The following ZNF274 variants were observed in gnomAD, a reference collection of about 807,000 sequenced individuals.
ZNF274 encodes zinc finger protein 274.
ZNF274 carries 23 observed loss-of-function variants against 42.5 expected under a neutral mutation model. That is an observed-to-expected ratio of 0.54 (90% CI 0.39 to 0.77). ZNF274 has a LOEUF of 0.77. Among genes scored for constraint, ZNF274 ranks in the 30% least tolerant of loss-of-function variants. ZNF274 has a pLI of 0.00. For synonymous variants in ZNF274, 292 were observed against 305.4 expected (o/e 0.96, Z 0.46); for missense variants, 679 against 806.5 (o/e 0.84, Z 1.91).
rs758325416 is a variant in ZNF274 at position 58,211,637 on chromosome 19, C to T, written c.930C>T (p.Thr310=). 1.5e-5 allele frequency: 24 copies of T among 1,613,696 alleles called. No individual in the cohort carries two copies. Among genetic ancestry groups the T allele is most frequent in the South Asian group, 3.3e-5 (3 of 91,058 alleles). Residue 310 remains threonine, a synonymous_variant, in exon 7 of 8, where the codon ACC becomes ACT. Transcript: ENST00000617501. This position sits in a 1 kb window ranked among gnomAD's most constrained non-coding sequence, Gnocchi z 4.8. ...GGCTGCTGGGCCCGACACAGAGGAC[C>T]GAGTACCGCGATGTGATGCTGGAGA... ...EWGLLGPTQR[T]EYRDVMLETF...
intron 4 of ZNF274, among the ~76,000 whole-genome samples, chr19:58,192,550 C>A (rs1312203917): frequency 1.3e-5 from 2 of 152,182 alleles, no homozygotes; most frequent in Non-Finnish European, 2.9e-5. Flanking sequence ...TCCACAGATG[C>A]TCAAGTGCCC....
chr19:58,188,618 AAAATATATATATATAT>A (rs2075731249), intron 4 of ZNF274, among the ~76,000 whole-genome samples: 1 of 52,574 alleles, frequency 1.9e-5, no homozygotes. Context: ...AAAAAAAAAA[AAAATATATATATATAT>A]ATATATATAT....
chr19:58,200,643 G>T (rs1004130284), intron 4 of ZNF274, among the ~76,000 whole-genome samples: 1 of 152,118 alleles, frequency 6.6e-6, no homozygotes, highest in Non-Finnish European at 1.5e-5. Flanking sequence ...GCAGGAGGGT[G>T]GTGCACATGT....
intron 4 of ZNF274, among the ~76,000 whole-genome samples, chr19:58,195,223 G>A (rs997806374): frequency 5.5e-5 from 8 of 144,324 alleles, no homozygotes; most frequent in African/African-American, 2.1e-4. Flanking sequence ...ACATATATGT[G>A]TGTGTATATA....
chr19:58,185,044 G>A (rs1004727333), intron 2 of ZNF274, among the ~76,000 whole-genome samples: 1 of 147,738 alleles, frequency 6.8e-6, no homozygotes, highest in African/African-American at 2.5e-5. Flanking sequence ...GGCGTGAACC[G>A]GGGAGGCGGA....
intron 2 of ZNF274, 178 bp from the exon 3 acceptor site, chr19:58,185,533 CA>C (rs1324460162): frequency 1.3e-5 from 6 of 444,860 alleles, no homozygotes; most frequent in African/African-American, 1.2e-4. Flanking sequence ...TGAATAGAGT[CA>C]AGCTTGGGTT....
intron 3 of ZNF274, among the ~76,000 whole-genome samples, chr19:58,186,602 A>T (rs1195464262): frequency 6.7e-6 from 1 of 149,622 alleles, no homozygotes; most frequent in Non-Finnish European, 1.5e-5. Context: ...TGTTCCCCCT[A>T]GTCATTGCAC....
chr19:58,203,560 TA>T (rs2075940834), intron 4 of ZNF274, among the ~76,000 whole-genome samples: 1 of 122,718 alleles, frequency 8.1e-6, no homozygotes, highest in African/African-American at 3.2e-5. Flanking sequence ...CGTGGGCGAC[TA>T]AGAGCGAAAC....
At chr19:58,204,036 G>A (rs185048742) in intron 4 of ZNF274, among the ~76,000 whole-genome samples, 1 of 152,332 alleles carries the variant, frequency 6.6e-6, no homozygotes. Flanking sequence ...AGCCAAACCT[G>A]TGCAGCGCGC....
chr19:58,196,064 G>A (rs1323972375), intron 4 of ZNF274, among the ~76,000 whole-genome samples: 2 of 152,168 alleles, frequency 1.3e-5, no homozygotes, highest in African/African-American at 4.8e-5. Flanking sequence ...AGCAATGTAG[G>A]GAAAATAGGT....
intron 4 of ZNF274, among the ~76,000 whole-genome samples, chr19:58,192,480 G>A (rs766700382): frequency 7.9e-5 from 12 of 152,180 alleles, no homozygotes; most frequent in Non-Finnish European, 1.3e-4. Context: ...AGAATTTCTC[G>A]TAGGTGACTG....
rs1490090945 is a variant in ZNF274, at chr19:58,207,205, A to T, written c.739+3A>T. 8 of 1,607,800 alleles carry T rather than the reference A, an allele frequency of 5.0e-6. No homozygotes were observed. The Admixed American group carries it at 5.0e-5, about 10-fold the overall frequency. On this transcript the variant is annotated splice_donor_region_variant and intron_variant, in intron 5 of 7. Coordinates refer to ENST00000617501, the MANE Select transcript of ZNF274 (RefSeq NM_133502.3). This position sits in a 1 kb window ranked among gnomAD's most constrained non-coding sequence, Gnocchi z 5.6. ...GACCTGGATGTCTGAGGAGGAAGGTAAGTAGAAGGGTGGGTAGAGGGACAG... is the reference window on the plus strand; with the variant it reads ...GACCTGGATGTCTGAGGAGGAAGGTTAGTAGAAGGGTGGGTAGAGGGACAG...
intron 3 of ZNF274, among the ~76,000 whole-genome samples, chr19:58,186,547 A>C (rs1359906049): frequency 6.6e-6 from 1 of 151,362 alleles, no homozygotes; most frequent in Non-Finnish European, 1.5e-5. Context: ...AAAAAAAAAA[A>C]AAAAAGCCTG....
Position 58,193,151 on chromosome 19 carries a change from C to G in ZNF274, c.256+6109C>G, listed in dbSNP as rs1191894979. Among the ~76,000 whole-genome samples the G allele has an allele frequency of 2.1e-5, 3 of 142,472 alleles. No individual in the cohort carries two copies. The South Asian group carries it at 6.6e-4, about 32-fold the overall frequency. The allele number at this position is 142,472 out of a possible 152,430, so 93.5% of individuals were successfully genotyped here. A position where few individuals can be genotyped will look rare whatever the true frequency, so the allele number is the denominator to read the frequency against. ...CATTCTTTTTGTCACTATCTTTTTT[C>G]TTTTTTTTTTTTTGAGACACAGTCT... On this transcript the variant is annotated intron_variant, in intron 4 of 7. Transcript: ENST00000617501.
At chr19:58,196,207 A>C (rs1017917678) in intron 4 of ZNF274, among the ~76,000 whole-genome samples, 2 of 152,204 alleles carry the variant, frequency 1.3e-5, no homozygotes, top group Non-Finnish European at 2.9e-5. Flanking sequence ...GGAAGAGACT[A>C]TTATGAAGGT....
At chr19:58,199,799 T>C (rs2075888631) in intron 4 of ZNF274, among the ~76,000 whole-genome samples, 2 of 152,242 alleles carry the variant, frequency 1.3e-5, no homozygotes, top group South Asian at 4.1e-4. Context: ...TAAAAAGTTA[T>C]ACCAAAGAAT....
chr19:58,183,896 C>G, intron 1 of ZNF274, 25 bp from the exon 2 acceptor site: 1 of 1,512,408 alleles, frequency 6.6e-7, no homozygotes, highest in Non-Finnish European at 9.0e-7. Flanking sequence ...GCCTCTCCCT[C>G]CCCTCCCAAC....
intron 3 of ZNF274, 39 bp from the exon 4 acceptor site, chr19:58,186,908 A>G: frequency 6.3e-7 from 1 of 1,575,064 alleles, no homozygotes; most frequent in Non-Finnish European, 8.7e-7. Context: ...TCTCCTGAAC[A>G]CAGACCCCCA....
intron 2 of ZNF274, chr19:58,184,285 T>G (rs1158052713): frequency 4.3e-5 from 9 of 211,120 alleles, no homozygotes; most frequent in Non-Finnish European, 9.4e-5. Context: ...ACAGGTCTTT[T>G]GTTTGTTTGT....
Sources: allele counts gnomAD v4.1 joint callset (sites outside exome capture counted in the v4.1 genomes callset), GRCh38; gene constraint gnomAD v4.1.1; non-coding constraint Gnocchi (gnomAD v3.1); transcripts MANE v1.5; gene names NCBI Gene and HGNC (gene_info 2026-07-23, HGNC 2026-07-21).